The following ZNF345 variants were observed in gnomAD, a reference collection of about 807,000 sequenced individuals.
ZNF345 encodes zinc finger protein HZF10.
For synonymous variants in ZNF345, 166 were observed against 187.9 expected, an observed-to-expected ratio of 0.88 and a Z score of 0.95; for missense variants, 527 against 589.9, an observed-to-expected ratio of 0.89 and a Z score of 1.10.
intron 2 of ZNF345, among the ~76,000 whole-genome samples, chr19:36,871,335 C>CA (rs1251877439): frequency 6.6e-6 from 1 of 152,160 alleles, no homozygotes; most frequent in Non-Finnish European, 1.5e-5. Context: ...TGGGAGGACA[C>CA]AAACATTCAG....
intron 2 of ZNF345, among the ~76,000 whole-genome samples, chr19:36,858,832 A>G (rs931251423): frequency 1.3e-5 from 2 of 152,214 alleles, no homozygotes; most frequent in African/African-American, 4.8e-5. Flanking sequence ...CTCAGGAATG[A>G]GAATCACTGA....
At chr19:36,888,146 A>G (rs564355496) in intron 3 of ZNF345, 6 of 152,336 alleles carry the variant, frequency 3.9e-5, no homozygotes, top group Non-Finnish European at 7.4e-5. Context: ...AGAAGAGTTT[A>G]TAGTAACATG....
Position 36,878,024 on chromosome 19 carries a change from T to C in ZNF345, c.1194T>C (p.Tyr398=). 2 of 1,614,026 alleles carry C rather than the reference T, an allele frequency of 1.2e-6. No individual in the cohort carries two copies. The highest frequency in any genetic ancestry group is 1.7e-6 in the Non-Finnish European group (2 of 1,180,012). The stretch of plus-strand genomic sequence containing the variant: ...TAATCCATACTGGTGAAAGACCCTA[T>C]GAATGTAAAGAATGTGGAAAGTCCT... The part of the protein sequence containing the change: ...HQLIHTGERP[Y]ECKECGKSFS... The change falls in exon 3 of 3, where the codon TAT becomes TAC. Residue 398 remains tyrosine, a synonymous_variant. Coordinates refer to ENST00000420450, the MANE Select transcript of ZNF345 (RefSeq NM_001242472.2).
At chr19:36,862,677 A>G (rs1333423707) in intron 2 of ZNF345, among the ~76,000 whole-genome samples, 7 of 151,736 alleles carry the variant, frequency 4.6e-5, no homozygotes, top group African/African-American at 1.7e-4. Flanking sequence ...AAAAAAAAAA[A>G]AAAAAAAAAA....
chr19:36,859,695 A>C (rs2072503480), intron 2 of ZNF345, among the ~76,000 whole-genome samples: 1 of 152,208 alleles, frequency 6.6e-6, no homozygotes, highest in Non-Finnish European at 1.5e-5. Context: ...TAACATAAGA[A>C]TTATTTAGGA....
Position 36,878,465 on chromosome 19 carries a change from T to C in ZNF345, c.*168T>C, listed in dbSNP as rs2072937082. The C allele has an allele frequency of 2.0e-6, 1 of 508,960 alleles. No individual in the cohort carries two copies. Among genetic ancestry groups the C allele is most frequent in the Non-Finnish European group, 3.3e-6 (1 of 300,608 alleles). The allele number at this position is 508,960 out of a possible 1,614,324, so 31.5% of individuals were successfully genotyped here. A position where few individuals can be genotyped will look rare whatever the true frequency, so the allele number is the denominator to read the frequency against. ...AAATCACCCCAAATAAAATAAATAT[T>C]TGAAGATCCTTATCTATATTCATTC... On this transcript the variant is annotated 3_prime_UTR_variant, in exon 3 of 3. Transcript: ENST00000420450.
chr19:36,855,207 A>C (rs1282085538), intron 2 of ZNF345, among the ~76,000 whole-genome samples: 1 of 140,122 alleles, frequency 7.1e-6, no homozygotes, highest in Non-Finnish European at 1.5e-5. Context: ...CAGTGGCGCC[A>C]TCTCAGCTCA....
chr19:36,855,610 G>T (rs1352041500), intron 2 of ZNF345, among the ~76,000 whole-genome samples: 1 of 151,788 alleles, frequency 6.6e-6, no homozygotes, highest in East Asian at 1.9e-4. Context: ...GTGCCACCAC[G>T]CCTGGCTAAT....
intron 2 of ZNF345, among the ~76,000 whole-genome samples, chr19:36,852,385 G>A (rs1033612955): frequency 2.6e-5 from 4 of 151,892 alleles, no homozygotes; most frequent in African/African-American, 9.7e-5. Flanking sequence ...GGCCAAGGCG[G>A]GCGGATCACG....
intron 2 of ZNF345, among the ~76,000 whole-genome samples, chr19:36,861,486 C>T (rs185428022): frequency 6.6e-6 from 1 of 152,158 alleles, no homozygotes; most frequent in Non-Finnish European, 1.5e-5. Flanking sequence ...GAATGCTAAC[C>T]TATACTGTGG....
downstream of ZNF345, among the ~76,000 whole-genome samples, chr19:36,883,799 G>A (rs1421068479): frequency 1.3e-5 from 2 of 152,100 alleles, no homozygotes; most frequent in Non-Finnish European, 2.9e-5. Context: ...CAACAATAAG[G>A]ATGGCTCTCT....
chr19:36,857,345 C>T (rs971088239), intron 2 of ZNF345, among the ~76,000 whole-genome samples: 11 of 152,068 alleles, frequency 7.2e-5, no homozygotes, highest in Non-Finnish European at 1.6e-4. Context: ...CTTGCTCTGT[C>T]GCCCAGGCTG....
rs530114753 is a variant in ZNF345 at position 36,878,397 on chromosome 19, T to C, written c.*100T>C. 54 of 1,140,522 alleles carry C rather than the reference T, an allele frequency of 4.7e-5. No individual in the cohort carries two copies. In the African/African-American group the frequency reaches 7.1e-4, roughly 15 times the overall value. The allele number at this position is 1,140,522 out of a possible 1,614,324, so 70.7% of individuals were successfully genotyped here. ...AACTAAGGTACAAATGCCTTACTTA[T>C]GCTTCACAGGTTAGTCAGTCTAAGA... On this transcript the variant is annotated 3_prime_UTR_variant, in exon 3 of 3. Coordinates refer to ENST00000420450, the MANE Select transcript of ZNF345 (RefSeq NM_001242472.2).
intron 3 of ZNF345, among the ~76,000 whole-genome samples, chr19:36,887,271 A>G (rs1230191815): frequency 6.6e-6 from 1 of 152,194 alleles, no homozygotes; most frequent in Non-Finnish European, 1.5e-5. Context: ...GACTAAATGC[A>G]ATGTGTTCTC....
downstream of ZNF345, among the ~76,000 whole-genome samples, chr19:36,880,025 T>A (rs1356210522): frequency 6.6e-6 from 1 of 152,222 alleles, no homozygotes; most frequent in African/African-American, 2.4e-5. Context: ...TGACATTCTT[T>A]CCTTGTTGAA....
At chr19:36,891,308 A>T (rs751893736) in intron 3 of ZNF345, 5 of 573,536 alleles carry the variant, frequency 8.7e-6, no homozygotes, top group Non-Finnish European at 1.4e-5. Flanking sequence ...GCTCTAAACT[A>T]TGAGAGAATA....
chr19:36,874,518 G>A (rs931856418), intron 2 of ZNF345, among the ~76,000 whole-genome samples: 5 of 148,558 alleles, frequency 3.4e-5, no homozygotes, highest in Admixed American at 1.3e-4. Flanking sequence ...GGGGTGGGGT[G>A]CCAGGCCTGG....
chr19:36,863,825 C>T (rs555802949), intron 2 of ZNF345, among the ~76,000 whole-genome samples: 21 of 152,308 alleles, frequency 1.4e-4, no homozygotes, highest in Non-Finnish European at 2.2e-4. Flanking sequence ...TGGTCAAGTA[C>T]AGCAACTATT....
chr19:36,893,215 A>G (rs1399489064), downstream of ZNF345, among the ~76,000 whole-genome samples: 2 of 152,208 alleles, frequency 1.3e-5, no homozygotes, highest in African/African-American at 4.8e-5. Context: ...GCTGAACACA[A>G]CTGGTGGGAA....
Sources: allele counts gnomAD v4.1 joint callset (sites outside exome capture counted in the v4.1 genomes callset), GRCh38; gene constraint gnomAD v4.1.1; transcripts MANE v1.5; gene names NCBI Gene and HGNC (gene_info 2026-07-23, HGNC 2026-07-21).